The following MYO18A variants were observed in gnomAD, a reference collection of about 807,000 sequenced individuals.
MYO18A encodes myosin XVIIIA, also known as unconventional myosin-XVIIIa.
In MYO18A, 78 loss-of-function variants were observed where a neutral mutation model predicts 235.8. That is an observed-to-expected ratio of 0.33 (90% confidence interval 0.28 to 0.40). The LOEUF is 0.40. Ranked by LOEUF, MYO18A falls within the 10% of genes least tolerant of loss-of-function variation. The pLI is 1.00. For synonymous variants in MYO18A, 977 were observed against 1,077.8 expected (o/e 0.91, Z 1.83); for missense variants, 2,215 against 2,699.3 (o/e 0.82, Z 3.98).
At chr17:29,135,600 A>G (rs547351319) in intron 2 of MYO18A, among the ~76,000 whole-genome samples, 137 of 152,222 alleles carry the variant, frequency 9.0e-4, no homozygotes, top group Non-Finnish European at 1.6e-3. Context: ...AAGTTTTCCT[A>G]CTTGTCTATA....
In MYO18A at chr17:29,111,340, T is replaced by G. The variant is rs1015341427; in HGVS notation, c.2900+84A>C. ...CATCTACTTTGCTAGTGAGGGGGCC[T>G]CTGAGACAACCCCAGGGGGAGGGAG... On this transcript the variant is annotated intron_variant, in intron 17 of 41. Coordinates refer to ENST00000527372, the MANE Select transcript of MYO18A (RefSeq NM_078471.4). This position sits in a 1 kb window ranked among gnomAD's most constrained non-coding sequence, Gnocchi z 5.1. 4 of 1,497,222 alleles carry G rather than the reference T, an allele frequency of 2.7e-6. No homozygotes were observed. Among genetic ancestry groups the G allele is most frequent in the Non-Finnish European group, 3.6e-6 (4 of 1,103,432 alleles). 92.7% of individuals were successfully genotyped at this position (1,497,222 alleles called of 1,614,324 possible).
Position 29,146,599 on chromosome 17 carries a change from T to G in MYO18A, c.999+19343A>C, listed in dbSNP as rs1365777184. 2.0e-5 allele frequency among the ~76,000 whole-genome samples: 3 copies of G among 152,190 alleles called. No homozygotes were observed. The East Asian group carries it at 5.8e-4, about 29-fold the overall frequency. ...GGTTCATGGAGGGCATGTGACCCAATCAGTTTCAAGGATACATAATGAAAC... is the reference window on the plus strand; with the variant it reads ...GGTTCATGGAGGGCATGTGACCCAAGCAGTTTCAAGGATACATAATGAAAC... On this transcript the variant is annotated intron_variant, in intron 2 of 41. Transcript: ENST00000527372.
intron 36 of MYO18A, 74 bp downstream of exon 36, chr17:29,090,458 G>T: frequency 7.3e-7 from 1 of 1,362,986 alleles, no homozygotes; most frequent in Non-Finnish European, 1.0e-6. Flanking sequence ...CTTCTAAACT[G>T]TGAACTTGGG....
chr17:29,136,246 AAAAAAT>A (rs2067596972), intron 2 of MYO18A, among the ~76,000 whole-genome samples: 4 of 69,738 alleles, frequency 5.7e-5, no homozygotes, highest in South Asian at 1.1e-3. Flanking sequence ...AAAAAAAAAA[AAAAAAT>A]ATATATATAT....
chr17:29,165,865 C>T, intron 2 of MYO18A, 77 bp downstream of exon 2: 9 of 1,356,214 alleles, frequency 6.6e-6, no homozygotes, highest in South Asian at 1.4e-5. Flanking sequence ...CTCTTGGGTA[C>T]CCCGATTACC....
intron 41 of MYO18A, chr17:29,080,912 A>G: frequency 1.0e-6 from 1 of 985,434 alleles, no homozygotes; most frequent in South Asian, 4.7e-5. Flanking sequence ...CCCCCGATGG[A>G]GTCCTTTAGG....
chr17:29,115,024 C>A lies in MYO18A; in HGVS notation c.2394G>T (p.Gln798His), dbSNP rs181887565. ...AGGAGGCTCCGCGGGCTGACCCACC[C>A]TGCTCAGGGTTCTGGAAGCCCGGGG... Reference protein sequence around the residue: ...VDTPGFQNPEQGGSARGASFE... With the variant: ...VDTPGFQNPEHGGSARGASFE... The change falls in exon 14 of 42, where the codon CAG becomes CAT. Residue 798 changes from glutamine (Q) to histidine (H), a missense_variant. Transcript: ENST00000527372. The A allele has an allele frequency of 1.2e-6, 2 of 1,614,028 alleles. No homozygotes were observed. Among genetic ancestry groups the A allele is most frequent in the East Asian group, 4.5e-5 (2 of 44,880 alleles).
chr17:29,103,509 G>T, intron 21 of MYO18A, 90 bp downstream of exon 21: 1 of 1,308,232 alleles, frequency 7.6e-7, no homozygotes, highest in Non-Finnish European at 1.1e-6. Flanking sequence ...GGTGATGTCT[G>T]GCTGAGCAAA....
At position 29,118,505 on chromosome 17, in the gene MYO18A, G is replaced by T; in HGVS notation, c.1830-65C>A. The T allele has an allele frequency of 6.9e-7, 1 of 1,442,022 alleles. No homozygotes were observed. The highest frequency in any genetic ancestry group is 9.6e-7 in the Non-Finnish European group (1 of 1,042,760). 89.3% of individuals were successfully genotyped at this position (1,442,022 alleles called of 1,614,324 possible). On this transcript the variant is annotated intron_variant, in intron 8 of 41. Coordinates refer to ENST00000527372, the MANE Select transcript of MYO18A (RefSeq NM_078471.4). This position sits in a 1 kb window ranked among gnomAD's most constrained non-coding sequence, Gnocchi z 4.2. ...CCATGCCAAGGCCATTTCCGCCCAG[G>T]GTGGAGACAGACAGACTCAGCTTCC...
Position 29,166,901 on chromosome 17 carries a change from C to T in MYO18A, c.40G>A (p.Gly14Arg), listed in dbSNP as rs755153578. Reference sequence around the variant, plus strand: ...TTTTTCTCCTTCTTCTCCTTCCGCCCGCCATCTTTGTCCTTGTCTTTCTTC... The same window carrying T: ...TTTTTCTCCTTCTTCTCCTTCCGCCTGCCATCTTTGTCCTTGTCTTTCTTC... ...LMKKDKDKDG[G>R]RKEKKEKKEK... Residue 14 changes from glycine to arginine, a missense_variant, in exon 2 of 42, where the codon GGG becomes AGG. Transcript: ENST00000527372. The T allele has an allele frequency of 1.2e-5, 18 of 1,550,354 alleles. No individual in the cohort carries two copies. The Admixed American group carries it at 1.2e-4, about 10-fold the overall frequency.
rs2067103551 is a variant in MYO18A, at chr17:29,117,614, C to T, written c.2038+431G>A. On this transcript the variant is annotated intron_variant, in intron 10 of 41. Transcript: ENST00000527372. The surrounding 1 kb of genome is among the most constrained non-coding windows in gnomAD (Gnocchi z 4.6). ...CTGCAGCAACAGAACAAGCCCAGCC[C>T]CTAGAAAGTCCTGGGCAAGCACCAA... Among the ~76,000 whole-genome samples the T allele has an allele frequency of 6.6e-6, 1 of 152,182 alleles. No individual in the cohort carries two copies. The highest frequency in any genetic ancestry group is 1.9e-4 in the East Asian group (1 of 5,198).
rs1273016759 is a variant in MYO18A, at chr17:29,120,867, G to T, written c.1586-109C>A. ...GCTTGGGGCCATTCAGACCAGAACT[G>T]CCCGTGGACAGAGGGGTTTCGGGGG... On this transcript the variant is annotated intron_variant, in intron 6 of 41. Transcript: ENST00000527372. This position sits in a 1 kb window ranked among gnomAD's most constrained non-coding sequence, Gnocchi z 4.2. The T allele has an allele frequency of 1.9e-6, 3 of 1,561,576 alleles. No individual in the cohort carries two copies. The highest frequency in any genetic ancestry group is 4.6e-4 in the Middle Eastern group (2 of 4,384).
At chr17:29,122,878 C>T (rs903152764) in intron 2 of MYO18A, among the ~76,000 whole-genome samples, 1 of 152,254 alleles carries the variant, frequency 6.6e-6, no homozygotes, top group African/African-American at 2.4e-5. Flanking sequence ...CAGGTGCACA[C>T]ATCAGCCTCC....
chr17:29,098,845 T>G lies in MYO18A; in HGVS notation c.3761A>C (p.Glu1254Ala), dbSNP rs1447533089. The part of the protein sequence containing the change: ...RPLIEVQLSE[E>A]QIRNKDEEIQ... ...ACATACGTCTTTGTTCCGGATCTGC[T>G]CCTCTGACAGCTGTACTTCGATGAG... Residue 1254 changes from glutamate to alanine, a missense_variant, in exon 23 of 42, where the codon GAG (glutamate) becomes GCG (alanine). Coordinates refer to ENST00000527372, the MANE Select transcript of MYO18A (RefSeq NM_078471.4). The G allele has an allele frequency of 2.5e-6, 4 of 1,613,912 alleles. No homozygotes were observed. The South Asian group carries it at 4.4e-5, about 18-fold the overall frequency.
Position 29,119,455 on chromosome 17 carries a change from T to C in MYO18A, c.1729-20A>G, listed in dbSNP as rs1239679439. Reference sequence around the variant, plus strand: ...CATTGTCTGTGACACAGCATGGACGTGTGGGTAAGGAGGGTAGTGCCAGAT... The same window carrying C: ...CATTGTCTGTGACACAGCATGGACGCGTGGGTAAGGAGGGTAGTGCCAGAT... On this transcript the variant is annotated intron_variant, in intron 7 of 41. Coordinates refer to ENST00000527372, the MANE Select transcript of MYO18A (RefSeq NM_078471.4). 3.1e-6 allele frequency: 5 copies of C among 1,592,604 alleles called. No homozygotes were observed.
At chr17:29,156,155 C>T (rs953600897) in intron 2 of MYO18A, among the ~76,000 whole-genome samples, 5 of 152,196 alleles carry the variant, frequency 3.3e-5, no homozygotes, top group Admixed American at 3.3e-4. Context: ...AAATTCCCAT[C>T]CTGCTGACAT....
chr17:29,086,914 C>T (rs537563864), intron 38 of MYO18A, 22 bp downstream of exon 38: 10 of 1,600,958 alleles, frequency 6.2e-6, no homozygotes, highest in South Asian at 3.4e-5. Flanking sequence ...ATGTGGGCCC[C>T]GTGGGGGACA....
intron 18 of MYO18A, 119 bp from the exon 19 acceptor site, chr17:29,110,220 A>T: frequency 1.4e-6 from 2 of 1,429,618 alleles, no homozygotes; most frequent in South Asian, 1.3e-5. Flanking sequence ...ACCAGCCAGG[A>T]CATGCTAAAC....
In MYO18A at chr17:29,140,425, A is replaced by T. The variant is rs572985979; in HGVS notation, c.1000-18172T>A. 1 of 1,273,582 alleles carries T rather than the reference A, an allele frequency of 7.9e-7. No homozygotes were observed. The highest frequency in any genetic ancestry group is 1.0e-6 in the Non-Finnish European group (1 of 981,242). 78.9% of individuals were successfully genotyped at this position (1,273,582 alleles called of 1,614,324 possible). A position where few individuals can be genotyped will look rare whatever the true frequency, so the allele number is the denominator to read the frequency against. On this transcript the variant is annotated intron_variant, in intron 2 of 41. Transcript: ENST00000527372. The surrounding 1 kb of genome is among the most constrained non-coding windows in gnomAD (Gnocchi z 4.2). Reference sequence around the variant, plus strand: ...CTCCGTTAGCAGCTCAAAATAGCACAGGCTGTGGCCCCGCCCAGTTCCCGC... The same window carrying T: ...CTCCGTTAGCAGCTCAAAATAGCACTGGCTGTGGCCCCGCCCAGTTCCCGC...
Sources: gnomAD v4.1 joint callset for allele counts (sites outside exome capture counted in the v4.1 genomes callset) on GRCh38, gnomAD v4.1.1 for gene constraint, Gnocchi (gnomAD v3.1) non-coding constraint, MANE v1.5 for transcripts, NCBI Gene and HGNC (gene_info 2026-07-23, HGNC 2026-07-21) for gene names.